Variants in TRHDE observed in about 807,000 individuals in gnomAD.
TRHDE encodes thyrotropin-releasing hormone-degrading ectoenzyme.
A neutral mutation model predicts 125.7 loss-of-function variants in TRHDE; 72 were observed. The observed-to-expected ratio is 0.57, with a 90% confidence interval of 0.47 to 0.70. TRHDE has a LOEUF of 0.70. Ranked by LOEUF, TRHDE falls within the 30% of genes least tolerant of loss-of-function variation. The probability of loss-of-function intolerance (pLI) is 0.00; values close to 1 mark genes in which losing one functional copy is unlikely to be tolerated. For missense variants in TRHDE, 1,110 were observed against 1,327.1 expected, an observed-to-expected ratio of 0.84 and a Z score of 2.54; for synonymous variants, 509 against 509.1, an observed-to-expected ratio of 1.00 and a Z score of 0.00.
chr12:72,338,889 A>G (rs796957572), intron 2 of TRHDE, among the ~76,000 whole-genome samples: 9 of 152,334 alleles, frequency 5.9e-5, no homozygotes, highest in African/African-American at 2.2e-4. Flanking sequence ...GAGTTCTTTA[A>G]AGAAGAAAAA....
At chr12:72,237,216 C>T (rs1878352610) in intron 2 of TRHDE, among the ~76,000 whole-genome samples, 2 of 152,248 alleles carry the variant, frequency 1.3e-5, no homozygotes, top group South Asian at 4.1e-4. Context: ...TTCTAACATT[C>T]ACCAAAGATA....
intron 2 of TRHDE, among the ~76,000 whole-genome samples, chr12:72,192,355 A>G (rs1224005649): frequency 6.6e-6 from 1 of 152,136 alleles, no homozygotes; most frequent in East Asian, 1.9e-4. Context: ...TAAAATAGAA[A>G]TCAATTAATT....
chr12:72,230,374 A>G (rs555490144), intron 2 of TRHDE, among the ~76,000 whole-genome samples: 1 of 152,178 alleles, frequency 6.6e-6, no homozygotes, highest in East Asian at 1.9e-4. Context: ...TACTTCTTAC[A>G]TGAATGCATT....
In TRHDE at chr12:72,114,177, A is replaced by AAG. The variant is rs370194242; in HGVS notation, n.279+8425_279+8426insAG. Among the ~76,000 whole-genome samples the AAG allele has an allele frequency of 6.2e-3, 930 of 150,340 alleles. 6 individuals are homozygous for AAG. The highest frequency in any genetic ancestry group is 0.021 in the African/African-American group (841 of 40,942). Reference sequence around the variant, plus strand: ...ACATTTTGGGGAATGAAAAAAAAAAAGCATGCTGGGTCTTTCAAACTCTGT... The same window carrying AAG: ...ACATTTTGGGGAATGAAAAAAAAAAAAGGCATGCTGGGTCTTTCAAACTCTGT... On this transcript the variant is annotated intron_variant and non_coding_transcript_variant, in intron 2 of 4. Transcript: ENST00000548156.
At position 72,382,232 on chromosome 12, in the gene TRHDE, T is replaced by C. The variant is rs1369632160; in HGVS notation, c.1315+4111T>C. Among the ~76,000 whole-genome samples the C allele has an allele frequency of 4.6e-5, 7 of 152,186 alleles. No individual in the cohort carries two copies. In the East Asian group the frequency reaches 5.8e-4, roughly 13 times the overall value. On this transcript the variant is annotated intron_variant, in intron 3 of 18. Coordinates refer to ENST00000261180, the MANE Select transcript of TRHDE (RefSeq NM_013381.3). ...TTAGATGAGGTCTCAGAATTAACCA[T>C]TAATTGATGCTAGCAATATGAAGGT... is the stretch of plus-strand genomic sequence containing the variant.
Position 72,419,550 on chromosome 12 carries a change from T to G in TRHDE, c.1315+41429T>G, listed in dbSNP as rs532622695. On this transcript the variant is annotated intron_variant, in intron 3 of 18. Coordinates refer to ENST00000261180, the MANE Select transcript of TRHDE (RefSeq NM_013381.3). ...GGGAGATGGGGAGTGTGCCATACACTTTTAAACAGCCAGACCTCATGAAAA... is the reference window on the plus strand; with the variant it reads ...GGGAGATGGGGAGTGTGCCATACACGTTTAAACAGCCAGACCTCATGAAAA... Among the ~76,000 whole-genome samples the G allele has an allele frequency of 8.5e-5, 13 of 152,234 alleles. No homozygotes were observed. In the East Asian group the frequency reaches 1.2e-3, roughly 14 times the overall value.
intron 9 of TRHDE, among the ~76,000 whole-genome samples, chr12:72,565,434 T>C (rs1197398640): frequency 6.6e-6 from 1 of 152,216 alleles, no homozygotes; most frequent in Non-Finnish European, 1.5e-5. Context: ...AACTGAATAG[T>C]CACATAAAGT....
chr12:72,597,772 A>AC (rs1565804898), intron 12 of TRHDE, among the ~76,000 whole-genome samples: 2 of 99,792 alleles, frequency 2.0e-5, no homozygotes, highest in African/African-American at 3.4e-5. Context: ...TACACACACA[A>AC]ATACATATGT....
At chr12:72,269,642 G>A (rs1879149296), upstream of TRHDE, among the ~76,000 whole-genome samples, 1 of 152,118 alleles carries the variant, frequency 6.6e-6, no homozygotes, top group East Asian at 1.9e-4. Flanking sequence ...CTGGGTTAAA[G>A]GGTACAAACA....
At chr12:72,646,167 T>C (rs981401010) in intron 15 of TRHDE, among the ~76,000 whole-genome samples, 2 of 152,070 alleles carry the variant, frequency 1.3e-5, no homozygotes, top group Non-Finnish European at 2.9e-5. Flanking sequence ...CTAAAATATA[T>C]TAAAAGGTAC....
chr12:72,442,284 G>T (rs1471611792), intron 3 of TRHDE, among the ~76,000 whole-genome samples: 1 of 151,746 alleles, frequency 6.6e-6, no homozygotes, highest in Non-Finnish European at 1.5e-5. Context: ...AAAATACAAA[G>T]GAGATTTTTG....
chr12:72,125,634 G>T (rs1875695855), intron 2 of TRHDE, among the ~76,000 whole-genome samples: 1 of 152,106 alleles, frequency 6.6e-6, no homozygotes, highest in Non-Finnish European at 1.5e-5. Flanking sequence ...GTATTTTAAA[G>T]TATGTAGCAT....
At chr12:72,364,102 C>T (rs537375271) in intron 2 of TRHDE, among the ~76,000 whole-genome samples, 4 of 152,202 alleles carry the variant, frequency 2.6e-5, no homozygotes, top group East Asian at 1.9e-4. Context: ...CTACAAACCA[C>T]TGCTCAATGA....
At chr12:72,534,861 T>G (rs2135979667) in intron 6 of TRHDE, among the ~76,000 whole-genome samples, 1 of 152,148 alleles carries the variant, frequency 6.6e-6, no homozygotes, top group Non-Finnish European at 1.5e-5. Context: ...ATAAGCATGA[T>G]TAAAACATAA....
intron 15 of TRHDE, among the ~76,000 whole-genome samples, chr12:72,631,276 T>C (rs997450445): frequency 2.6e-5 from 4 of 151,788 alleles, no homozygotes; most frequent in African/African-American, 9.7e-5. Context: ...TAAAATCTAT[T>C]TCTCAGGTAT....
In TRHDE at chr12:72,109,556, A is replaced by G. The variant is rs375970321; in HGVS notation, n.279+3804A>G. On this transcript the variant is annotated intron_variant and non_coding_transcript_variant, in intron 2 of 4. Coordinates refer to the TRHDE transcript ENST00000548156. ...ACTGTTTCCGACTGCTATTTTCTCT[A>G]TGGTGGCACTTTCTCTAGTGGTGAC... Among the ~76,000 whole-genome samples, 13 of 152,186 alleles carry G rather than the reference A, an allele frequency of 8.5e-5. No individual in the cohort carries two copies. The East Asian group carries it at 1.9e-3, about 23-fold the overall frequency.
intron 2 of TRHDE, among the ~76,000 whole-genome samples, chr12:72,376,211 T>G (rs527931081): frequency 1.3e-5 from 2 of 152,176 alleles, no homozygotes; most frequent in East Asian, 3.9e-4. Flanking sequence ...TCAGGCTGAG[T>G]CCAGGACTTC....
intron 12 of TRHDE, among the ~76,000 whole-genome samples, chr12:72,577,605 A>T (rs1441548878): frequency 6.6e-6 from 1 of 152,248 alleles, no homozygotes. Flanking sequence ...GCAAGTAAGT[A>T]GTGATAGCCT....
intron 10 of TRHDE, among the ~76,000 whole-genome samples, chr12:72,573,600 CACTT>C (rs934368672): frequency 2.3e-4 from 35 of 152,052 alleles, no homozygotes; most frequent in African/African-American, 7.7e-4. Flanking sequence ...TAAATTTAAA[CACTT>C]ACGTATAGGA....
Sources: allele counts gnomAD v4.1 joint callset (sites outside exome capture counted in the v4.1 genomes callset), GRCh38; gene constraint gnomAD v4.1.1; transcripts MANE v1.5; gene names NCBI Gene and HGNC (gene_info 2026-07-23, HGNC 2026-07-21).